The following THBS3 variants were observed in gnomAD, a reference collection of about 807,000 sequenced individuals.
The protein encoded by THBS3 is thrombospondin 3.
THBS3 carries 78 observed loss-of-function variants against 118.3 expected under a neutral mutation model. The ratio of observed to expected loss-of-function variants is 0.66; its 90% CI spans 0.55 to 0.80. THBS3 has a LOEUF of 0.80. Among genes scored for constraint, THBS3 ranks in the 30% least tolerant of loss-of-function variants. THBS3 has a pLI of 0.00. For synonymous variants in THBS3, 427 were observed against 475.3 expected, an observed-to-expected ratio of 0.90 and a Z score of 1.32; for missense variants, 1,057 against 1,247.4, an observed-to-expected ratio of 0.85 and a Z score of 2.30.
Position 155,205,319 on chromosome 1 carries a change from G to T in THBS3, c.287-3C>A. 3 of 1,612,772 alleles carry T rather than the reference G, an allele frequency of 1.9e-6. No homozygotes were observed. Among genetic ancestry groups the T allele is most frequent in the Non-Finnish European group, 2.5e-6 (3 of 1,179,208 alleles). ...CTCCCGCTGGTATCGCACCAGTACT[G>T]CCCAGGAGGGGAGATCAGTATGGGC... On this transcript the variant is annotated splice_polypyrimidine_tract_variant and splice_region_variant and intron_variant, in intron 2 of 22. Transcript: ENST00000368378.
Position 155,202,291 on chromosome 1 carries a change from C to T in THBS3, c.1068G>A (p.Val356=). ...RGYKGTQVSG[V]GIDYARASKQ... is the part of the protein sequence containing the mutation. ...TGCTGGCCCGGGCATAGTCAATGCC[C>T]ACACCAGACACCTGTGTGCCCTTGT... is the stretch of plus-strand genomic sequence containing the variant. The change falls in exon 9 of 23, where the codon GTG becomes GTA. Residue 356 remains valine (V), a synonymous_variant. Coordinates refer to ENST00000368378, the MANE Select transcript of THBS3 (RefSeq NM_007112.5). This position sits in a 1 kb window ranked among gnomAD's most constrained non-coding sequence, Gnocchi z 5.5. 1 of 1,614,104 alleles carries T rather than the reference C, an allele frequency of 6.2e-7. No homozygotes were observed. The highest frequency in any genetic ancestry group is 8.5e-7 in the Non-Finnish European group (1 of 1,180,018).
rs1257330219 is a variant in THBS3, at chr1:155,202,152, T to C, written c.1098+109A>G. ...ACATTAAGCCCAGACCCAAAGCCGATGCAAAGCCATCCATGTCCCATTCAT... is the reference window on the plus strand; with the variant it reads ...ACATTAAGCCCAGACCCAAAGCCGACGCAAAGCCATCCATGTCCCATTCAT... On this transcript the variant is annotated intron_variant, in intron 9 of 22. Transcript: ENST00000368378. The surrounding 1 kb of genome is among the most constrained non-coding windows in gnomAD (Gnocchi z 5.5). 2 of 1,598,206 alleles carry C rather than the reference T, an allele frequency of 1.3e-6. No homozygotes were observed. Among genetic ancestry groups the C allele is most frequent in the Non-Finnish European group, 1.7e-6 (2 of 1,170,440 alleles).
At position 155,202,333 on chromosome 1, in the gene THBS3, C is replaced by G. The variant is rs1669886098; in HGVS notation, c.1026G>C (p.Glu342Asp). ...CINTMPGFHC[E>D]ACPRGYKGTQ... ...TGCCCTTGTACCCTCGAGGACAGGCCTCACAGTGGAAGCCGGGCATGGTGT... is the reference window on the plus strand; with the variant it reads ...TGCCCTTGTACCCTCGAGGACAGGCGTCACAGTGGAAGCCGGGCATGGTGT... The change falls in exon 9 of 23, where the codon GAG (glutamate) becomes GAC (aspartate). Residue 342 changes from glutamate to aspartate, a missense_variant. Around this residue, in one of 3 missense-constraint regions of THBS3, gnomAD observed 544 missense variants for 715.6 expected, o/e 0.76. Transcript: ENST00000368378. This position sits in a 1 kb window ranked among gnomAD's most constrained non-coding sequence, Gnocchi z 5.5. 1 of 1,614,004 alleles carries G rather than the reference C, an allele frequency of 6.2e-7. No individual in the cohort carries two copies. Among genetic ancestry groups the G allele is most frequent in the African/African-American group, 1.3e-5 (1 of 74,924 alleles).
rs749868141 is a variant in THBS3, at chr1:155,197,539, A to G, written c.2423T>C (p.Met808Thr). The G allele has an allele frequency of 3.7e-6, 6 of 1,614,086 alleles. No individual in the cohort carries two copies. Among genetic ancestry groups the G allele is most frequent in the East Asian group, 2.2e-5 (1 of 44,878 alleles). Reference protein sequence around the residue: ...YQDSGRFYVVMWKQTEQTYWQ... With the variant: ...YQDSGRFYVVTWKQTEQTYWQ... ...GTAGGTCTGCTCGGTCTGCTTCCAC[A>G]TGACTACGTAGAAGCGGCCACTGTC... is the stretch of plus-strand genomic sequence containing the variant. Residue 808 changes from methionine to threonine, a missense_variant, in exon 20 of 23, where the codon ATG (methionine) becomes ACG (threonine). By Grantham distance (81) the Met-to-Thr change is moderately conservative. Transcript: ENST00000368378. This position sits in a 1 kb window ranked among gnomAD's most constrained non-coding sequence, Gnocchi z 5.0.
chr1:155,203,109 G>A lies in THBS3; in HGVS notation c.785C>T (p.Thr262Ile). ...QVKEMSLIRNTIMECQVCGFH... is the reference protein window; with the variant it reads ...QVKEMSLIRNIIMECQVCGFH... ...ACCGCACACCTGACACTCCATAATG[G>A]TGTTTCGGATCAGGGACATTTCCTT... Residue 262 changes from threonine to isoleucine, a missense_variant, in exon 7 of 23, where the codon ACC becomes ATC. This residue lies in a region of THBS3 where 544 missense variants were observed against 715.6 expected (regional missense o/e 0.76). Transcript: ENST00000368378. The A allele has an allele frequency of 6.2e-7, 1 of 1,614,228 alleles. No individual in the cohort carries two copies. Among genetic ancestry groups the A allele is most frequent in the Non-Finnish European group, 8.5e-7 (1 of 1,180,038 alleles).
At chr1:155,204,991 T>C in intron 3 of THBS3, 34 bp from the exon 4 acceptor site, 1 of 1,613,116 alleles carries the variant, frequency 6.2e-7, no homozygotes, top group South Asian at 1.1e-5. Context: ...GGTGGGAAGG[T>C]CTACCAACCC....
chr1:155,203,343 G>A (rs747892863), intron 5 of THBS3, 38 bp from the exon 6 acceptor site: 1 of 1,609,850 alleles, frequency 6.2e-7, no homozygotes, highest in South Asian at 1.1e-5. Flanking sequence ...CAGTACTGGA[G>A]CACCAGTCCT....
In THBS3 at chr1:155,202,443, G is replaced by A. The variant is rs968564549; in HGVS notation, c.958-42C>T. ...AAGGCAGAGGTCAGGCCGCCCTCTG[G>A]GAAACTCAGGTCCCTGCCTGTGATC... is the stretch of plus-strand genomic sequence containing the variant. On this transcript the variant is annotated intron_variant, in intron 8 of 22. Transcript: ENST00000368378. The surrounding 1 kb of genome is among the most constrained non-coding windows in gnomAD (Gnocchi z 5.5). 7 of 1,604,532 alleles carry A rather than the reference G, an allele frequency of 4.4e-6. No homozygotes were observed. The highest frequency in any genetic ancestry group is 1.7e-5 in the Admixed American group (1 of 59,298).
upstream of THBS3, chr1:155,208,856 G>A: frequency 6.2e-7 from 1 of 1,600,058 alleles, no homozygotes; most frequent in Non-Finnish European, 8.5e-7. Context: ...GAGCCCCAAG[G>A]GGCCCTGGAG....
At chr1:155,203,462 C>T (rs772985138) in intron 5 of THBS3, 51 bp downstream of exon 5, 3 of 1,609,916 alleles carry the variant, frequency 1.9e-6, no homozygotes, top group Non-Finnish European at 2.5e-6. Context: ...GCTGCCAGAG[C>T]CTGGGGCCTC....
At position 155,197,309 on chromosome 1, in the gene THBS3, G is replaced by A. The variant is rs929257029; in HGVS notation, c.2500-96C>T. The A allele has an allele frequency of 1.2e-5, 19 of 1,543,492 alleles. No homozygotes were observed. The Admixed American group carries it at 1.4e-4, about 11-fold the overall frequency. On this transcript the variant is annotated intron_variant, in intron 20 of 22. Transcript: ENST00000368378. The surrounding 1 kb of genome is among the most constrained non-coding windows in gnomAD (Gnocchi z 5.0). ...TGCAGGTGGGAAAGGGATTCAAGGC[G>A]GTCATGAAAATGCCCTGGGGCCCCA...
rs372908454 is a variant in THBS3 at position 155,198,213 on chromosome 1, G to A, written c.2082C>T (p.Gly694=). 9 of 1,613,926 alleles carry A rather than the reference G, an allele frequency of 5.6e-6. No homozygotes were observed. The East Asian group carries it at 1.3e-4, about 24-fold the overall frequency. ...NPNQKDSDGN[G]VGDVCEDDFD... ...AGTCATCCTCACACACATCACCAAC[G>A]CCATTGCCTGGGCAGAGTGAGGCTG... The change falls in exon 18 of 23, where the codon GGC becomes GGT. Residue 694 remains glycine, a synonymous_variant. Transcript: ENST00000368378.
intron 21 of THBS3, chr1:155,196,706 T>C (rs1668729982): frequency 3.3e-6 from 1 of 300,822 alleles, no homozygotes; most frequent in African/African-American, 2.1e-5. Context: ...CCAGGTCAGA[T>C]GATCCCTATC....
chr1:155,206,236 A>G lies in THBS3; in HGVS notation c.250T>C (p.Trp84Arg). ...TTGCCTACAACAGAGGCCTCCAGCC[A>G]TCGAGTGTTGTCTTGGCGAGAATAG... is the stretch of plus-strand genomic sequence containing the variant. ...GLYSRQDNTR[W>R]LEASVVGKIN... Residue 84 changes from tryptophan (W) to arginine (R), a missense_variant, in exon 2 of 23, where the codon TGG (tryptophan) becomes CGG (arginine). Transcript: ENST00000368378. This position sits in a 1 kb window ranked among gnomAD's most constrained non-coding sequence, Gnocchi z 4.2. 6.2e-7 allele frequency: 1 copy of G among 1,614,164 alleles called. No individual in the cohort carries two copies. Among genetic ancestry groups the G allele is most frequent in the Non-Finnish European group, 8.5e-7 (1 of 1,180,032 alleles).
Position 155,202,391 on chromosome 1 carries a change from G to T in THBS3, c.968C>A (p.Ala323Asp), listed in dbSNP as rs1369699951. ...HCSDINECAH[A>D]DPCFPGSSCI... ...GCTGGAGCCCGGGAAACAGGGGTCA[G>T]CGTGAGCACACTGGGGACCAGATGA... is the stretch of plus-strand genomic sequence containing the variant. The change falls in exon 9 of 23, where the codon GCT becomes GAT. Residue 323 changes from alanine to aspartate, a missense_variant. Ala to Asp is a moderately radical substitution (Grantham distance 126). Around this residue, in one of 3 missense-constraint regions of THBS3, gnomAD observed 544 missense variants for 715.6 expected, o/e 0.76. Coordinates refer to ENST00000368378, the MANE Select transcript of THBS3 (RefSeq NM_007112.5). The surrounding 1 kb of genome is among the most constrained non-coding windows in gnomAD (Gnocchi z 5.5). The T allele has an allele frequency of 6.2e-7, 1 of 1,613,940 alleles. No individual in the cohort carries two copies. Among genetic ancestry groups the T allele is most frequent in the East Asian group, 2.2e-5 (1 of 44,890 alleles).
At chr1:155,205,520 G>A in intron 2 of THBS3, 1 of 681,194 alleles carries the variant, frequency 1.5e-6, no homozygotes, top group Non-Finnish European at 2.4e-6. Context: ...GCTCACACCT[G>A]TAATCCCAGC....
In THBS3 at chr1:155,204,554, C is replaced by T. The variant is rs144312806; in HGVS notation, c.646+301G>A. Among the ~76,000 whole-genome samples the T allele has an allele frequency of 9.7e-3, 1,457 of 150,294 alleles. 96 individuals carry two copies. The highest frequency in any genetic ancestry group is 0.089 in the Admixed American group (1,327 of 14,934). On this transcript the variant is annotated intron_variant, in intron 4 of 22. Coordinates refer to ENST00000368378, the MANE Select transcript of THBS3 (RefSeq NM_007112.5). ...TGACCCAGATTGCACCACTGCACTC[C>T]GGCCTGGGCAACAGGACAAGACTCC...
At chr1:155,198,255 C>T (rs768094347) in intron 17 of THBS3, 35 bp from the exon 18 acceptor site, 3 of 1,609,964 alleles carry the variant, frequency 1.9e-6, no homozygotes, top group Non-Finnish European at 2.5e-6. Context: ...CAGGAAGGCC[C>T]TGGCCACTGC....
At chr1:155,208,594 CTG>C (rs1207034899), upstream of THBS3, 1 of 565,664 alleles carries the variant, frequency 1.8e-6, no homozygotes, top group African/African-American at 1.9e-5. Flanking sequence ...CTGTGGAACA[CTG>C]TGGGTACTAG....
Sources: allele counts gnomAD v4.1 joint callset (sites outside exome capture counted in the v4.1 genomes callset), GRCh38; gene constraint gnomAD v4.1.1; regional missense constraint gnomAD v4.1.1; non-coding constraint Gnocchi (gnomAD v3.1); transcripts MANE v1.5; gene names NCBI Gene and HGNC (gene_info 2026-07-23, HGNC 2026-07-21).